ALDH1L1: variants seen among roughly 807,000 people sequenced by gnomAD.
ALDH1L1 encodes aldehyde dehydrogenase 1 family member L1.
ALDH1L1 carries 68 observed loss-of-function variants against 101.1 expected under a neutral mutation model. The observed-to-expected ratio is 0.67, with a 90% CI of 0.55 to 0.82. The LOEUF (loss-of-function observed/expected upper bound fraction) is 0.82. Among genes scored for constraint, ALDH1L1 ranks in the 40% least tolerant of loss-of-function variants. ALDH1L1 has a pLI of 0.00. For synonymous variants in ALDH1L1, 486 were observed against 470.8 expected, an observed-to-expected ratio of 1.03 and a Z score of -0.42; for missense variants, 1,087 against 1,172.7, an observed-to-expected ratio of 0.93 and a Z score of 1.07.
At chr3:126,166,263 C>T (rs371181153) in intron 1 of ALDH1L1, among the ~76,000 whole-genome samples, 227 of 152,328 alleles carry the variant, frequency 1.5e-3, no homozygotes, top group African/African-American at 5.1e-3. Flanking sequence ...ACGTTCATGT[C>T]CCCTTCTCCA....
chr3:126,131,967 T>G (rs2080317944), intron 12 of ALDH1L1, among the ~76,000 whole-genome samples: 1 of 152,164 alleles, frequency 6.6e-6, no homozygotes, highest in Admixed American at 6.5e-5. Context: ...CAGTCCAGGA[T>G]GGTGGGGGCA....
intron 17 of ALDH1L1, 81 bp downstream of exon 17, chr3:126,117,924 A>G: frequency 8.9e-6 from 12 of 1,349,038 alleles, no homozygotes; most frequent in Non-Finnish European, 1.2e-5. Context: ...GGGAAGCAGG[A>G]CACAGCTCCT....
chr3:126,109,607 G>C (rs1482853440), intron 20 of ALDH1L1, among the ~76,000 whole-genome samples: 1 of 152,204 alleles, frequency 6.6e-6, no homozygotes, highest in East Asian at 1.9e-4. Flanking sequence ...CAACGGCTGA[G>C]AGGTTAACAG....
chr3:126,183,122 A>G (rs2081490334), upstream of ALDH1L1, among the ~76,000 whole-genome samples: 1 of 152,190 alleles, frequency 6.6e-6, no homozygotes, highest in African/African-American at 2.4e-5. Flanking sequence ...CTTTTGTAAA[A>G]TCTTCAAAGA....
intron 1 of ALDH1L1, among the ~76,000 whole-genome samples, chr3:126,173,543 AAAG>A (rs1375111896): frequency 6.6e-6 from 1 of 152,230 alleles, no homozygotes; most frequent in African/African-American, 2.4e-5. Flanking sequence ...GTGGAAGAAA[AAAG>A]AAACAAAGGG....
intron 1 of ALDH1L1, among the ~76,000 whole-genome samples, chr3:126,193,277 A>G (rs532317471): frequency 6.6e-6 from 1 of 152,312 alleles, no homozygotes; most frequent in Non-Finnish European, 1.5e-5. Context: ...TATCTATAAG[A>G]GAAAAACAGA....
intron 1 of ALDH1L1, among the ~76,000 whole-genome samples, chr3:126,163,141 T>C (rs1038103950): frequency 1.3e-5 from 2 of 152,232 alleles, no homozygotes; most frequent in Non-Finnish European, 2.9e-5. Flanking sequence ...ATTTTCCTAT[T>C]GAATCATGAT....
chr3:126,182,046 C>T (rs1449630806), upstream of ALDH1L1, among the ~76,000 whole-genome samples: 1 of 152,248 alleles, frequency 6.6e-6, no homozygotes, highest in African/African-American at 2.4e-5. Context: ...GCCATGACTT[C>T]AGGGAAGCTT....
In ALDH1L1 at chr3:126,105,794, G is replaced by A. The variant is rs755656855; in HGVS notation, c.2585C>T (p.Thr862Met). The change falls in exon 22 of 23, where the codon ACG becomes ATG. Residue 862 changes from threonine to methionine, a missense_variant. Thr to Met is a moderately conservative substitution (Grantham distance 81, BLOSUM62 -1). Around this residue, in one of 2 missense-constraint regions of ALDH1L1, gnomAD observed 442 missense variants for 535.7 expected, o/e 0.83. Transcript: ENST00000393434. Reference protein sequence around the residue: ...KLQAGTVFVNTYNKTDVAAPF... With the variant: ...KLQAGTVFVNMYNKTDVAAPF... ...AGCGGCCACGTCGGTCTTGTTGTAC[G>A]TGTTGACAAACACAGTGCCTGCCTG... 96 of 1,614,102 alleles carry A rather than the reference G, an allele frequency of 5.9e-5. No homozygotes were observed. The South Asian group carries it at 7.4e-4, about 12-fold the overall frequency.
rs199644243 is a variant in ALDH1L1 at position 126,110,079 on chromosome 3, T to G, written c.2212A>C (p.Asn738His). The change falls in exon 20 of 23, where the codon AAC (asparagine) becomes CAC (histidine). Residue 738 changes from asparagine to histidine, a missense_variant. Around this residue, in one of 2 missense-constraint regions of ALDH1L1, gnomAD observed 442 missense variants for 535.7 expected, o/e 0.83. Coordinates refer to ENST00000393434, the MANE Select transcript of ALDH1L1 (RefSeq NM_012190.4). ...VEEVRKMKVG[N>H]PLDRDTDHGP... The stretch of plus-strand genomic sequence containing the variant: ...TGGTCGGTGTCCCTGTCCAGCGGGT[T>G]GCCCACCTTCATCTTCCGCACCTCT... The G allele has an allele frequency of 1.4e-5, 23 of 1,614,224 alleles. No homozygotes were observed. In the East Asian group the frequency reaches 5.1e-4, roughly 36 times the overall value.
intron 20 of ALDH1L1, 95 bp from the exon 21 acceptor site, chr3:126,107,341 G>T: frequency 1.0e-6 from 1 of 989,774 alleles, no homozygotes; most frequent in Non-Finnish European, 1.6e-6. Flanking sequence ...CCAGCCACCT[G>T]CGGATGACCC....
chr3:126,179,250 C>G (rs1471693333), intron 1 of ALDH1L1, among the ~76,000 whole-genome samples: 1 of 152,244 alleles, frequency 6.6e-6, no homozygotes, highest in Non-Finnish European at 1.5e-5. Flanking sequence ...CCCAACCCTC[C>G]TACCCAATTC....
At chr3:126,113,735 G>A (rs572730254) in intron 18 of ALDH1L1, among the ~76,000 whole-genome samples, 38 of 152,302 alleles carry the variant, frequency 2.5e-4, no homozygotes, top group African/African-American at 7.0e-4. Flanking sequence ...AGATAGGGCC[G>A]GGGGCATATT....
chr3:126,175,383 C>A (rs2081350885), intron 1 of ALDH1L1, among the ~76,000 whole-genome samples: 1 of 151,910 alleles, frequency 6.6e-6, no homozygotes, highest in Non-Finnish European at 1.5e-5. Flanking sequence ...TCAGAATTAC[C>A]CTGGTACCAA....
chr3:126,146,566 GA>G (rs2080687327), intron 9 of ALDH1L1, among the ~76,000 whole-genome samples: 1 of 152,138 alleles, frequency 6.6e-6, no homozygotes, highest in Non-Finnish European at 1.5e-5. Context: ...CTGTTCTTCT[GA>G]ATCAACTCCT....
At chr3:126,120,626 G>T (rs1385117829) in intron 16 of ALDH1L1, among the ~76,000 whole-genome samples, 1 of 152,130 alleles carries the variant, frequency 6.6e-6, no homozygotes, top group Non-Finnish European at 1.5e-5. Context: ...TGTCAATGTA[G>T]GTCATTGTTT....
intron 1 of ALDH1L1, among the ~76,000 whole-genome samples, chr3:126,187,645 C>G (rs190244987): frequency 2.0e-5 from 3 of 152,298 alleles, no homozygotes; most frequent in Admixed American, 2.0e-4. Flanking sequence ...GAAAAGGAAA[C>G]CCATCTCTGA....
rs770818286 is a variant in ALDH1L1, at chr3:126,107,273, A to G, written c.2348-27T>C. 6 of 1,580,376 alleles carry G rather than the reference A, an allele frequency of 3.8e-6. No individual in the cohort carries two copies. The South Asian group carries it at 4.4e-5, about 12-fold the overall frequency. On this transcript the variant is annotated intron_variant, in intron 20 of 22. Coordinates refer to ENST00000393434, the MANE Select transcript of ALDH1L1 (RefSeq NM_012190.4). Reference sequence around the variant, plus strand: ...TGCAAGAGAGATAAAAGCCCGTTGCACATGGGAGACACGGTGCCCGATGGT... The same window carrying G: ...TGCAAGAGAGATAAAAGCCCGTTGCGCATGGGAGACACGGTGCCCGATGGT...
intron 1 of ALDH1L1, among the ~76,000 whole-genome samples, chr3:126,173,130 T>A (rs997380893): frequency 2.0e-4 from 31 of 152,082 alleles, no homozygotes; most frequent in African/African-American, 7.2e-4. Flanking sequence ...AAAGGAAAAT[T>A]AAACAAGTCA....
Sources: gnomAD v4.1 joint callset for allele counts (sites outside exome capture counted in the v4.1 genomes callset) on GRCh38, gnomAD v4.1.1 for gene constraint, gnomAD v4.1.1 regional missense constraint, MANE v1.5 for transcripts, NCBI Gene and HGNC (gene_info 2026-07-23, HGNC 2026-07-21) for gene names.